The following ZNF143 variants were observed in gnomAD, a reference collection of about 807,000 sequenced individuals.
ZNF143 encodes the protein SPH-binding factor.
Under a neutral mutation model 74.1 loss-of-function variants are expected in ZNF143, and 49 were observed. The ratio of observed to expected loss-of-function variants is 0.66; its 90% CI spans 0.53 to 0.84. The LOEUF is 0.84. Among genes scored for constraint, ZNF143 ranks in the 40% least tolerant of loss-of-function variants. The pLI, the probability that ZNF143 is intolerant of heterozygous loss-of-function variation, is 0.00. For synonymous variants in ZNF143, 304 were observed against 282.8 expected (o/e 1.07, Z -0.75); for missense variants, 637 against 793.4 (o/e 0.80, Z 2.37).
chr11:9,470,720 C>T lies in ZNF143; in HGVS notation c.-7-582C>T, dbSNP rs117799897. ...TTGGGGATTTTACTCTGAGAAAGTC[C>T]TCAGAAGGTTTTGAGCAGAAGCGGG... On this transcript the variant is annotated intron_variant, in intron 1 of 15. Coordinates refer to ENST00000396602, the MANE Select transcript of ZNF143 (RefSeq NM_003442.6). Among the ~76,000 whole-genome samples, 769 of 152,242 alleles carry T rather than the reference C, an allele frequency of 5.1e-3. 7 individuals are homozygous for T. Among genetic ancestry groups the T allele is most frequent in the Non-Finnish European group, 6.4e-3 (437 of 68,024 alleles).
At chr11:9,520,315 C>A (rs1383709022) in intron 14 of ZNF143, among the ~76,000 whole-genome samples, 2 of 148,702 alleles carry the variant, frequency 1.3e-5, no homozygotes, top group Admixed American at 6.7e-5. Flanking sequence ...AGCCACTGTG[C>A]CTGTCCAATT....
At chr11:9,469,768 G>A (rs547338785) in intron 1 of ZNF143, among the ~76,000 whole-genome samples, 4 of 152,008 alleles carry the variant, frequency 2.6e-5, no homozygotes, top group Admixed American at 6.6e-5. Flanking sequence ...GGCTGGTCTC[G>A]AACTCCTGAC....
At position 9,527,608 on chromosome 11, in the gene ZNF143, G is replaced by A. The variant is rs773540547; in HGVS notation, c.1912G>A (p.Asp638Asn). Reference protein sequence around the residue: ...IQQGETPGLDD With the variant: ...IQQGETPGLDN ...ACAAGGAGAAACGCCAGGGTTGGAT[G>A]ATTAATCCTCAGAACAATGGAGCAA... is the stretch of plus-strand genomic sequence containing the variant. The change falls in exon 16 of 16, where the codon GAT becomes AAT. Residue 638 changes from aspartate (D) to asparagine (N), a missense_variant. Coordinates refer to ENST00000396602, the MANE Select transcript of ZNF143 (RefSeq NM_003442.6). The A allele has an allele frequency of 6.2e-7, 1 of 1,613,668 alleles. No individual in the cohort carries two copies. The highest frequency in any genetic ancestry group is 8.5e-7 in the Non-Finnish European group (1 of 1,179,604).
At chr11:9,474,501 T>A (rs1565026301) in intron 4 of ZNF143, 49 bp from the exon 5 acceptor site, 1 of 1,580,882 alleles carries the variant, frequency 6.3e-7, no homozygotes. Context: ...GTGAGTTAAT[T>A]GGAATGTGCT....
chr11:9,485,278 G>C (rs988919689), intron 7 of ZNF143, among the ~76,000 whole-genome samples: 2 of 149,828 alleles, frequency 1.3e-5, no homozygotes, highest in African/African-American at 5.0e-5. Context: ...AAAATAAAAA[G>C]TGAGGGATCT....
At position 9,479,564 on chromosome 11, in the gene ZNF143, T is replaced by C. The variant is rs181640401; in HGVS notation, c.645+18T>C. On this transcript the variant is annotated intron_variant, in intron 7 of 15. Transcript: ENST00000396602. Reference sequence around the variant, plus strand: ...AAATGCAGGTATGTAAAGCTACTTTTTAATATAAAAATCTAGCTTAGCATT... The same window carrying C: ...AAATGCAGGTATGTAAAGCTACTTTCTAATATAAAAATCTAGCTTAGCATT... The C allele has an allele frequency of 4.4e-5, 71 of 1,603,642 alleles. No homozygotes were observed. In the Admixed American group the frequency reaches 1.2e-3, roughly 27 times the overall value.
intron 3 of ZNF143, 194 bp from the exon 4 acceptor site, chr11:9,473,747 G>A: frequency 6.6e-7 from 1 of 1,514,608 alleles, no homozygotes; most frequent in Non-Finnish European, 8.8e-7. Context: ...GAGGAAGGAT[G>A]GCTGAGGGAG....
At chr11:9,490,430 C>T (rs1433382688) in intron 7 of ZNF143, among the ~76,000 whole-genome samples, 2 of 151,362 alleles carry the variant, frequency 1.3e-5, no homozygotes, top group African/African-American at 4.9e-5. Context: ...ATGACAGGCA[C>T]GTACCACCAT....
chr11:9,481,889 A>G (rs1392191135), intron 7 of ZNF143, among the ~76,000 whole-genome samples: 2 of 151,080 alleles, frequency 1.3e-5, no homozygotes, highest in Non-Finnish European at 2.9e-5. Flanking sequence ...CTGTCTCAAA[A>G]AAAAAAAAAA....
At chr11:9,471,446 C>T (rs200952555) in intron 2 of ZNF143, 26 bp downstream of exon 2, 16 of 1,482,522 alleles carry the variant, frequency 1.1e-5, no homozygotes, top group Admixed American at 4.5e-5. Context: ...TGAAGGGATG[C>T]GTTTGAAAAT....
At chr11:9,488,072 A>G (rs959428605) in intron 7 of ZNF143, among the ~76,000 whole-genome samples, 1 of 151,996 alleles carries the variant, frequency 6.6e-6, no homozygotes, top group Non-Finnish European at 1.5e-5. Context: ...GTTCCCCGCT[A>G]TTACTGTAGT....
intron 14 of ZNF143, among the ~76,000 whole-genome samples, chr11:9,520,871 C>T (rs1848900872): frequency 6.6e-6 from 1 of 152,234 alleles, no homozygotes; most frequent in African/African-American, 2.4e-5. Flanking sequence ...AGCCATTCTA[C>T]TGGATGTTAA....
Position 9,461,124 on chromosome 11 carries a change from G to GGCC in ZNF143, c.-8+55_-8+57dup, listed in dbSNP as rs1246640294. 3 of 980,482 alleles carry GGCC rather than the reference G, an allele frequency of 3.1e-6. No homozygotes were observed. The African/African-American group carries it at 5.2e-5, about 17-fold the overall frequency. The allele number at this position is 980,482 out of a possible 1,614,324, so 60.7% of individuals were successfully genotyped here. A position where few individuals can be genotyped will look rare whatever the true frequency, so the allele number is the denominator to read the frequency against. ...ACCCAGTGTGCATTATTCTCCGCCT[G>GGCC]GCCGCCGCCCTCAGCGCGGCGGCGC... On this transcript the variant is annotated intron_variant, in intron 1 of 15. Coordinates refer to ENST00000396602, the MANE Select transcript of ZNF143 (RefSeq NM_003442.6).
intron 15 of ZNF143, among the ~76,000 whole-genome samples, chr11:9,527,125 G>A (rs1484626943): frequency 6.6e-6 from 1 of 151,934 alleles, no homozygotes; most frequent in Non-Finnish European, 1.5e-5. Flanking sequence ...GAGCCACCGC[G>A]CCCAGCCAAT....
At position 9,471,432 on chromosome 11, in the gene ZNF143, T is replaced by C. The variant is rs575939546; in HGVS notation, c.112+12T>C. The C allele has an allele frequency of 1.3e-6, 2 of 1,552,858 alleles. No individual in the cohort carries two copies. The highest frequency in any genetic ancestry group is 4.6e-5 in the East Asian group (2 of 43,170). ...AGTCACCGTGGCAGGTGAGCAGTTG[T>C]GTTTGAAGGGATGCGTTTGAAAATA... On this transcript the variant is annotated intron_variant, in intron 2 of 15. Transcript: ENST00000396602.
intron 14 of ZNF143, among the ~76,000 whole-genome samples, chr11:9,520,200 TA>T (rs1638946067): frequency 6.6e-6 from 1 of 151,542 alleles, no homozygotes. Context: ...CATGCCCAGC[TA>T]ATTTTTGTAT....
chr11:9,506,315 A>G (rs1848363027), intron 11 of ZNF143, among the ~76,000 whole-genome samples: 1 of 152,226 alleles, frequency 6.6e-6, no homozygotes, highest in Admixed American at 6.5e-5. Flanking sequence ...CATGGGTGAC[A>G]GAGCGAGACT....
At chr11:9,464,593 C>G (rs1037155066) in intron 1 of ZNF143, among the ~76,000 whole-genome samples, 2 of 149,746 alleles carry the variant, frequency 1.3e-5, no homozygotes, top group Non-Finnish European at 3.0e-5. Context: ...AGAACAAGAC[C>G]CTGTCTCAAT....
chr11:9,475,934 G>GTC (rs879485998), intron 5 of ZNF143, among the ~76,000 whole-genome samples: 3 of 151,450 alleles, frequency 2.0e-5, no homozygotes, highest in Non-Finnish European at 4.4e-5. Flanking sequence ...GTGTGTGTGT[G>GTC]TGTGTGTGTG....
Sources: gnomAD v4.1 joint callset for allele counts (sites outside exome capture counted in the v4.1 genomes callset) on GRCh38, gnomAD v4.1.1 for gene constraint, MANE v1.5 for transcripts, NCBI Gene and HGNC (gene_info 2026-07-23, HGNC 2026-07-21) for gene names.